TRPM5: variants seen among roughly 807,000 people sequenced by gnomAD.
The protein encoded by TRPM5 is MLSN1 and TRP-related.
In TRPM5, 121 loss-of-function variants were observed where a neutral mutation model predicts 124.9. That is an observed-to-expected ratio of 0.97 (90% confidence interval 0.84 to 1.13). The LOEUF (loss-of-function observed/expected upper bound fraction) is 1.13, where lower values mean the gene tolerates loss of function less well. Among genes scored for constraint, TRPM5 ranks in the 50% most tolerant of loss-of-function variants. The pLI is 0.00. For synonymous variants in TRPM5, 781 were observed against 700.5 expected (o/e 1.11, Z -1.81); for missense variants, 1,643 against 1,589.1 (o/e 1.03, Z -0.58).
intron 15 of TRPM5, 85 bp from the exon 21 acceptor site, chr11:2,412,338 A>AGGATCAGGGTTCAGCTTGCCATGG (rs60397029): frequency 4.9e-6 from 5 of 1,018,536 alleles, no homozygotes; most frequent in Non-Finnish European, 7.6e-6. Flanking sequence ...TGGATCTGTA[A>AGGATCAGGGTTCAGCTTGCCATGG]GGATCAGGGT....
rs775814154 is a variant in TRPM5, at chr11:2,414,224, G to C, written c.1745-18C>G. On this transcript the variant is annotated intron_variant, in intron 11 of 23. Coordinates refer to ENST00000155858, the Ensembl canonical transcript of TRPM5. The stretch of plus-strand genomic sequence containing the variant: ...GAAGAGGTCTGCCCCCGGAGGCCCT[G>C]GCCGCTAGGACGAGACGCCGATGCC... The C allele has an allele frequency of 6.2e-7, 1 of 1,603,104 alleles. No individual in the cohort carries two copies. Among genetic ancestry groups the C allele is most frequent in the Admixed American group, 1.7e-5 (1 of 59,404 alleles).
At chr11:2,414,325 G>C (rs992864731) in intron 11 of TRPM5, 119 bp from the exon 17 acceptor site, 1 of 1,387,672 alleles carries the variant, frequency 7.2e-7, no homozygotes, top group Admixed American at 2.4e-5. Flanking sequence ...CGTTCAACAC[G>C]CAGGGCCCAG....
At chr11:2,422,794 T>C (rs1405489937) in intron 1 of TRPM5, 126 bp downstream of exon 6, 3 of 812,808 alleles carry the variant, frequency 3.7e-6, no homozygotes, top group Non-Finnish European at 4.2e-6. Context: ...GCTCTGAATA[T>C]GGCCCCAGGG....
At chr11:2,415,686 C>T (rs746993851) in intron 8 of TRPM5, among the ~76,000 whole-genome samples, 2 of 152,216 alleles carry the variant, frequency 1.3e-5, no homozygotes, top group Non-Finnish European at 2.9e-5. Context: ...GTGTCACAAC[C>T]CCCTTGGGCT....
chr11:2,414,905 A>T lies in TRPM5; in HGVS notation c.1620+2T>A. The T allele has an allele frequency of 2.5e-6, 4 of 1,603,818 alleles. No individual in the cohort carries two copies. The highest frequency in any genetic ancestry group is 3.4e-6 in the Non-Finnish European group (4 of 1,176,710). On this transcript the variant is annotated splice_donor_variant, in intron 10 of 23. Coordinates refer to ENST00000155858, the Ensembl canonical transcript of TRPM5. LOFTEE classifies it high-confidence loss of function. ...CGCGCTGGGCCCGCGGCCTGGGCTCACCATGGCCCAGAAGTAGGTGGCCAT... is the reference window on the plus strand; with the variant it reads ...CGCGCTGGGCCCGCGGCCTGGGCTCTCCATGGCCCAGAAGTAGGTGGCCAT...
chr11:2,405,240 C>G (rs902478161), intron 23 of TRPM5, among the ~76,000 whole-genome samples, 197 bp from the exon 29 acceptor site: 1 of 152,222 alleles, frequency 6.6e-6, no homozygotes, highest in African/African-American at 2.4e-5. Context: ...GAAAGCAGCC[C>G]CCTTGAGGCC....
At chr11:2,404,177 A>G (rs1177095747), downstream of TRPM5, among the ~76,000 whole-genome samples, 2 of 152,118 alleles carry the variant, frequency 1.3e-5, no homozygotes, top group Non-Finnish European at 2.9e-5. Flanking sequence ...ACAGCTTGGG[A>G]AGCGAAAGGG....
At chr11:2,437,956 C>T in the TRPM5 span, among the ~76,000 whole-genome samples, 1 of 152,156 alleles carries the variant, frequency 6.6e-6, no homozygotes, top group Non-Finnish European at 1.5e-5. This position sits in a 1 kb window ranked among gnomAD's most constrained non-coding sequence, Gnocchi z 5.6. Context: ...TACTAGCAAA[C>T]CAAATCCAGA....
chr11:2,406,540 C>T, intron 21 of TRPM5, 121 bp downstream of exon 26: 1 of 1,361,268 alleles, frequency 7.3e-7, no homozygotes, highest in South Asian at 1.4e-5. Context: ...TCGGCCAGAG[C>T]CCTGCCCCTA....
chr11:2,407,965 C>T, intron 18 of TRPM5, 53 bp from the exon 24 acceptor site: 1 of 1,594,096 alleles, frequency 6.3e-7, no homozygotes, highest in South Asian at 1.1e-5. Context: ...ACAAGGGCGG[C>T]CTTAGGCAAA....
At chr11:2,428,526 G>A in the TRPM5 span, among the ~76,000 whole-genome samples, 655 of 151,648 alleles carry the variant, frequency 4.3e-3, 4 homozygotes, top group Admixed American at 6.9e-3. This position sits in a 1 kb window ranked among gnomAD's most constrained non-coding sequence, Gnocchi z 4.0. Context: ...TGGTGACAAT[G>A]ATCATGGGGA....
At chr11:2,414,009 G>GGGCGGCCCCCCCCCCCCC in intron 12 of TRPM5, 52 bp downstream of exon 17, 4 of 1,023,730 alleles carry the variant, frequency 3.9e-6, no homozygotes, top group East Asian at 2.8e-5. Flanking sequence ...GGCCCAGCTC[G>GGGCGGCCCCCCCCCCCCC]CCCGCCCACC....
chr11:2,428,138 A>G, the TRPM5 span, among the ~76,000 whole-genome samples: 2 of 152,300 alleles, frequency 1.3e-5, no homozygotes, highest in African/African-American at 4.8e-5. The surrounding 1 kb of genome is among the most constrained non-coding windows in gnomAD (Gnocchi z 4.0). Flanking sequence ...CTACTTAGCC[A>G]CTTGGGCCTC....
intron 18 of TRPM5, among the ~76,000 whole-genome samples, chr11:2,410,917 G>A (rs113055924): frequency 0.01 from 1,527 of 152,286 alleles, 21 homozygotes; most frequent in Non-Finnish European, 0.015. Flanking sequence ...GAGGCCAGGG[G>A]CTGTGAGGAG....
intron 7 of TRPM5, among the ~76,000 whole-genome samples, chr11:2,417,322 G>C (rs979911061): frequency 6.6e-6 from 1 of 152,140 alleles, no homozygotes; most frequent in African/African-American, 2.4e-5. Flanking sequence ...GGGCATGGTG[G>C]GGTGCACCTG....
At chr11:2,418,278 G>C (rs906848265) in exon 6 of TRPM5, 1 of 1,580,876 alleles carries the variant, frequency 6.3e-7, no homozygotes, top group Admixed American at 1.8e-5. Context: ...GGTTCACTAG[G>C]GCAGCAAGCA....
chr11:2,433,445 C>T, the TRPM5 span, among the ~76,000 whole-genome samples: 3 of 152,252 alleles, frequency 2.0e-5, no homozygotes, highest in Non-Finnish European at 4.4e-5. Flanking sequence ...GAGCGCTGCC[C>T]GGGCCCAGTG....
rs773205931 is a variant in TRPM5, at chr11:2,418,295, C to T, written c.778G>A (p.Ala260Thr). ...TTCACTAGGGCAGCAAGCACATCGG[C>T]GATGCCCCCCGAGCCTACCAGGATC... The change falls in exon 6 of 24, where the codon GCC (alanine) becomes ACC (threonine). Residue 260 changes from alanine (A) to threonine (T), a missense_variant. Ala to Thr is a moderately conservative substitution (Grantham distance 58). Coordinates refer to ENST00000155858, the Ensembl canonical transcript of TRPM5. 7.6e-6 allele frequency: 12 copies of T among 1,572,090 alleles called. No individual in the cohort carries two copies. Among genetic ancestry groups the T allele is most frequent in the South Asian group, 2.3e-5 (2 of 85,974 alleles).
At chr11:2,424,109 C>T (rs560875518), upstream of TRPM5, among the ~76,000 whole-genome samples, 99 of 152,264 alleles carry the variant, frequency 6.5e-4, no homozygotes, top group Non-Finnish European at 1.1e-3. Context: ...CCTGGCAGCT[C>T]CTGATCCCAC....
Sources: gnomAD v4.1 joint callset for allele counts (sites outside exome capture counted in the v4.1 genomes callset) on GRCh38, gnomAD v4.1.1 for gene constraint, Gnocchi (gnomAD v3.1) non-coding constraint, MANE v1.5 for transcripts, NCBI Gene and HGNC (gene_info 2026-07-23, HGNC 2026-07-21) for gene names.